Variants in TYSND1 observed in about 807,000 individuals in gnomAD.
TYSND1 encodes peroxisomal leader peptide-processing protease.
In TYSND1, 30 loss-of-function variants were observed where a neutral mutation model predicts 37.2. That is an observed-to-expected ratio of 0.81 (90% CI 0.60 to 1.09). The LOEUF (loss-of-function observed/expected upper bound fraction) is 1.09. Ranked by LOEUF, TYSND1 falls within the 50% of genes least tolerant of loss-of-function variation. The pLI is 0.00. For missense variants in TYSND1, 806 were observed against 817.4 expected (o/e 0.99, Z 0.17); for synonymous variants, 364 against 383.8 (o/e 0.95, Z 0.60).
At chr10:70,140,236 GCC>G in intron 3 of TYSND1, 95 bp from the exon 4 acceptor site, 6 of 1,060,050 alleles carry the variant, frequency 5.7e-6, no homozygotes, top group Non-Finnish European at 8.2e-6. Context: ...AGCCCCCAGG[GCC>G]TGGTAGGGCT....
chr10:70,145,231 T>C (rs981792902), intron 1 of TYSND1, among the ~76,000 whole-genome samples, 190 bp downstream of exon 1: 2 of 152,162 alleles, frequency 1.3e-5, no homozygotes, highest in African/African-American at 2.4e-5. Context: ...GCTTGACACC[T>C]TGCCCCAGAT....
chr10:70,146,460 G>C lies in TYSND1; in HGVS notation c.127C>G (p.Pro43Ala). 1 of 1,603,766 alleles carries C rather than the reference G, an allele frequency of 6.2e-7. No individual in the cohort carries two copies. Among genetic ancestry groups the C allele is most frequent in the Non-Finnish European group, 8.5e-7 (1 of 1,178,762 alleles). Residue 43 changes from proline (P) to alanine (A), a missense_variant, in exon 1 of 4, where the codon CCG (proline) becomes GCG (alanine). This residue lies in a region of TYSND1 where 84 missense variants were observed against 79.0 expected (regional missense o/e 1.06). Transcript: ENST00000287078. Reference protein sequence around the residue: ...SCSGVILSRSPGLVLCHGGIF... With the variant: ...SCSGVILSRSAGLVLCHGGIF... ...CCCCCGTGGCAAAGCACCAGGCCCG[G>C]GCTACGGCTCAGGATTACCCCGCTG...
intron 1 of TYSND1, 24 bp downstream of exon 1, chr10:70,145,397 G>A (rs932791242): frequency 2.2e-6 from 3 of 1,390,118 alleles, no homozygotes; most frequent in Non-Finnish European, 2.8e-6. Flanking sequence ...AAGGGATGAA[G>A]TGGCGTCAGC....
chr10:70,144,739 TAA>T (rs777740800), intron 1 of TYSND1: 10 of 985,524 alleles, frequency 1.0e-5, no homozygotes, highest in Non-Finnish European at 1.1e-5. Context: ...GTCTTCCCTA[TAA>T]AGTCATGGCT....
chr10:70,144,160 C>G lies in TYSND1; in HGVS notation c.1167-188G>C, dbSNP rs573096363. ...CTCCAAAGGTGGTTGACAAACTGTG[C>G]TACTTCTCTAAAGCTTCCTGTACCT... On this transcript the variant is annotated intron_variant, in intron 1 of 3. Coordinates refer to ENST00000287078, the MANE Select transcript of TYSND1 (RefSeq NM_173555.4). 3 of 688,728 alleles carry G rather than the reference C, an allele frequency of 4.4e-6. No homozygotes were observed. The African/African-American group carries it at 5.4e-5, about 12-fold the overall frequency. 42.7% of individuals were successfully genotyped at this position (688,728 alleles called of 1,614,324 possible). A position where few individuals can be genotyped will look rare whatever the true frequency, so the allele number is the denominator to read the frequency against.
intron 3 of TYSND1, among the ~76,000 whole-genome samples, chr10:70,140,388 T>C (rs1262712683): frequency 6.6e-6 from 1 of 152,236 alleles, no homozygotes; most frequent in Non-Finnish European, 1.5e-5. Flanking sequence ...TCACTTGTTA[T>C]CTTTCTCTCG....
In TYSND1 at chr10:70,145,191, C is replaced by T. The variant is rs1309735748; in HGVS notation, c.1166+230G>A. Among the ~76,000 whole-genome samples the T allele has an allele frequency of 5.9e-5, 9 of 152,110 alleles. No homozygotes were observed. The highest frequency in any genetic ancestry group is 5.9e-4 in the Admixed American group (9 of 15,282). On this transcript the variant is annotated intron_variant, in intron 1 of 3. Transcript: ENST00000287078. ...TGCCCTGTTCCGGATTCAGGGTGTC[C>T]CACAGTACCCAAATCCAGAGCTGCT...
At position 70,146,621 on chromosome 10, in the gene TYSND1, G is replaced by GA. The variant is rs1564566325; in HGVS notation, c.-36dup. The GA allele has an allele frequency of 6.1e-6, 9 of 1,470,204 alleles. No homozygotes were observed. Among genetic ancestry groups the GA allele is most frequent in the Non-Finnish European group, 8.1e-6 (9 of 1,117,340 alleles). The allele number at this position is 1,470,204 out of a possible 1,614,324, so 91.1% of individuals were successfully genotyped here. A position where few individuals can be genotyped will look rare whatever the true frequency, so the allele number is the denominator to read the frequency against. ...GCCGGACACTCGGGAGCTTCTCCGA[G>GA]AAACAGCAAGCTAGCGAGCGAGGAC... On this transcript the variant is annotated 5_prime_UTR_variant, in exon 1 of 4. Coordinates refer to ENST00000287078, the MANE Select transcript of TYSND1 (RefSeq NM_173555.4).
At position 70,145,914 on chromosome 10, in the gene TYSND1, G is replaced by A; in HGVS notation, c.673C>T (p.Pro225Ser). The A allele has an allele frequency of 6.5e-7, 1 of 1,549,914 alleles. No individual in the cohort carries two copies. Among genetic ancestry groups the A allele is most frequent in the Admixed American group, 2.0e-5 (1 of 51,104 alleles). The change falls in exon 1 of 4, where the codon CCT (proline) becomes TCT (serine). Residue 225 changes from proline (P) to serine (S), a missense_variant. Pro to Ser is a moderately conservative substitution (Grantham distance 74, BLOSUM62 -1). Coordinates refer to ENST00000287078, the MANE Select transcript of TYSND1 (RefSeq NM_173555.4). Reference protein sequence around the residue: ...KGAPLLVCGSPFGAFCPDIFL... With the variant: ...KGAPLLVCGSSFGAFCPDIFL... ...ATGTCGGGGCAGAAGGCGCCGAAAG[G>A]GGAGCCGCAGACCAGCAATGGCGCA...
intron 1 of TYSND1, chr10:70,144,372 C>A: frequency 1.2e-6 from 1 of 817,268 alleles, no homozygotes; most frequent in Non-Finnish European, 1.5e-6. Context: ...GTGGGAGGAG[C>A]CAAGGCAAAC....
rs757367369 is a variant in TYSND1, at chr10:70,146,044, C to T, written c.543G>A (p.Ala181=). 1.2e-6 allele frequency: 2 copies of T among 1,602,962 alleles called. No individual in the cohort carries two copies. The highest frequency in any genetic ancestry group is 2.3e-5 in the East Asian group (1 of 44,026). Residue 181 remains alanine (A), a synonymous_variant, in exon 1 of 4, where the codon GCG becomes GCA. Coordinates refer to ENST00000287078, the MANE Select transcript of TYSND1 (RefSeq NM_173555.4). ...CGCCCAGCAGCGCAAACCAGCCCAG[C>T]GCTCTCAGTTGATCCGCCTCCTCGT... ...SEDEEADQLR[A]LGWFALLGVR...
chr10:70,144,347 C>T, intron 1 of TYSND1: 1 of 583,818 alleles, frequency 1.7e-6, no homozygotes, highest in African/African-American at 2.0e-5. Flanking sequence ...AGTAACATTC[C>T]CAACACCAAA....
At position 70,146,539 on chromosome 10, in the gene TYSND1, G is replaced by A; in HGVS notation, c.48C>T (p.Gly16=). 1 of 1,582,938 alleles carries A rather than the reference G, an allele frequency of 6.3e-7. No homozygotes were observed. The highest frequency in any genetic ancestry group is 1.1e-5 in the South Asian group (1 of 88,172). Residue 16 remains glycine (G), a synonymous_variant, in exon 1 of 4, where the codon GGC becomes GGT. Coordinates refer to ENST00000287078, the MANE Select transcript of TYSND1 (RefSeq NM_173555.4). ...GSAMRAAEQA[G]CMVSASRAGQ... ...CGGCCCGGGAGGCGCTCACCATGCA[G>A]CCCGCCTGCTCGGCCGCCCTCATGG...
rs546466567 is a variant in TYSND1, at chr10:70,145,567, C to T, written c.1020G>A (p.Gly340=). Residue 340 remains glycine (G), a synonymous_variant, in exon 1 of 4, where the codon GGG becomes GGA. Coordinates refer to ENST00000287078, the MANE Select transcript of TYSND1 (RefSeq NM_173555.4). Reference sequence around the variant, plus strand: ...ACACTGCCGCGGCTGCCCACAGGGGCCCGGAGTCTCGGAGGGGCAGACCCC... The same window carrying T: ...ACACTGCCGCGGCTGCCCACAGGGGTCCGGAGTCTCGGAGGGGCAGACCCC... ...VPWGLPLRDS[G]PLWAAAAVLV... 2.7e-6 allele frequency: 4 copies of T among 1,484,696 alleles called. No homozygotes were observed. Among genetic ancestry groups the T allele is most frequent in the African/African-American group, 2.9e-5 (2 of 69,090 alleles). The allele number at this position is 1,484,696 out of a possible 1,614,324, so 92.0% of individuals were successfully genotyped here.
In TYSND1 at chr10:70,146,134, G is replaced by A. The variant is rs77646716; in HGVS notation, c.453C>T (p.Phe151=). The A allele has an allele frequency of 3.6e-4, 554 of 1,556,482 alleles. 1 individual carries two copies. In the African/African-American group the frequency reaches 6.6e-3, roughly 18 times the overall value. Residue 151 remains phenylalanine, a synonymous_variant, in exon 1 of 4, where the codon TTC becomes TTT. Transcript: ENST00000287078. ...PAFWAHFARL[F]GDEAAEQWRF... ...GCCACTGTTCCGCTGCCTCGTCCCC[G>A]AAGAGGCGCGCGAAGTGGGCCCAGA...
Position 70,139,998 on chromosome 10 carries a change from G to C in TYSND1, c.1627C>G (p.Arg543Gly). The C allele has an allele frequency of 6.2e-7, 1 of 1,614,210 alleles. No homozygotes were observed. Among genetic ancestry groups the C allele is most frequent in the East Asian group, 2.2e-5 (1 of 44,890 alleles). Residue 543 changes from arginine (R) to glycine (G), a missense_variant, in exon 4 of 4, where the codon CGC (arginine) becomes GGC (glycine). Physicochemically the swap from Arg to Gly is moderately radical, Grantham distance 125 (BLOSUM62 -2). Transcript: ENST00000287078. ...QDLGGLRELD[R>G]AAEPVRVVWR... Reference sequence around the variant, plus strand: ...ACCACCCTGACTGGCTCAGCAGCGCGGTCCAGCTCACGGAGGCCACCTAGG... The same window carrying C: ...ACCACCCTGACTGGCTCAGCAGCGCCGTCCAGCTCACGGAGGCCACCTAGG...
At chr10:70,145,371 A>C in intron 1 of TYSND1, 50 bp downstream of exon 1, 5 of 1,355,606 alleles carry the variant, frequency 3.7e-6, no homozygotes, top group Non-Finnish European at 3.8e-6. Context: ...GGCTGGACCC[A>C]GATCTGAGAC....
intron 3 of TYSND1, among the ~76,000 whole-genome samples, chr10:70,141,602 C>T (rs1182838197): frequency 6.6e-6 from 1 of 152,158 alleles, no homozygotes; most frequent in African/African-American, 2.4e-5. Flanking sequence ...AGCCATGTGT[C>T]CTTCCCAGTG....
At position 70,146,640 on chromosome 10, in the gene TYSND1, C is replaced by T; in HGVS notation, c.-54G>A. 1.4e-6 allele frequency: 2 copies of T among 1,442,652 alleles called. No homozygotes were observed. The highest frequency in any genetic ancestry group is 2.9e-5 in the South Asian group (2 of 69,886). 89.4% of individuals were successfully genotyped at this position (1,442,652 alleles called of 1,614,324 possible). A position where few individuals can be genotyped will look rare whatever the true frequency, so the allele number is the denominator to read the frequency against. ...CTCCGAGAAACAGCAAGCTAGCGAG[C>T]GAGGACCCCTACCCGGTCCGGCTGA... On this transcript the variant is annotated 5_prime_UTR_variant, in exon 1 of 4. Coordinates refer to ENST00000287078, the MANE Select transcript of TYSND1 (RefSeq NM_173555.4).
Sources: allele counts gnomAD v4.1 joint callset (sites outside exome capture counted in the v4.1 genomes callset), GRCh38; gene constraint gnomAD v4.1.1; regional missense constraint gnomAD v4.1.1; transcripts MANE v1.5; gene names NCBI Gene and HGNC (gene_info 2026-07-23, HGNC 2026-07-21).